ITPR2: variants seen among roughly 807,000 people sequenced by gnomAD.
ITPR2 encodes inositol 1,4,5-trisphosphate receptor type 2, also known as inositol 1,4,5-trisphosphate-gated calcium channel ITPR2.
ITPR2 carries 207 observed loss-of-function variants against 317.1 expected under a neutral mutation model. That is an observed-to-expected ratio of 0.65 (90% CI 0.58 to 0.73). ITPR2 has a LOEUF of 0.73. ITPR2 is among the 30% of genes least tolerant of loss of function. The probability of loss-of-function intolerance (pLI) is 0.00; values close to 1 mark genes in which losing one functional copy is unlikely to be tolerated. For missense variants in ITPR2, 2,613 were observed against 3,284.0 expected, an observed-to-expected ratio of 0.80 and a Z score of 4.99; for synonymous variants, 1,156 against 1,149.1, an observed-to-expected ratio of 1.01 and a Z score of -0.12.
At chr12:26,656,985 G>T (rs1196811243) in intron 18 of ITPR2, among the ~76,000 whole-genome samples, 1 of 152,120 alleles carries the variant, frequency 6.6e-6, no homozygotes, top group Non-Finnish European at 1.5e-5. Context: ...AGTCCAAATG[G>T]CATGAGTCAC....
At chr12:26,398,194 G>A (rs1361544244) in intron 54 of ITPR2, among the ~76,000 whole-genome samples, 8 of 152,090 alleles carry the variant, frequency 5.3e-5, no homozygotes, top group African/African-American at 9.6e-5. Flanking sequence ...AGGCCAAGGC[G>A]GGTGGATCAC....
At position 26,355,798 on chromosome 12, in the gene ITPR2, C is replaced by T. The variant is rs116253354; in HGVS notation, c.7858-15470G>A. Among the ~76,000 whole-genome samples, 1,400 of 152,298 alleles carry T rather than the reference C, an allele frequency of 9.2e-3. 20 individuals are homozygous for T. The highest frequency in any genetic ancestry group is 0.031 in the African/African-American group (1,300 of 41,550). ...GAGCTTTCCAAAAATCCACTGCCAA[C>T]AGGCTGGGGCACACTCAGGTTAAAG... On this transcript the variant is annotated intron_variant, in intron 55 of 56. Transcript: ENST00000381340.
intron 55 of ITPR2, among the ~76,000 whole-genome samples, chr12:26,364,743 A>G (rs1938952044): frequency 6.6e-6 from 1 of 152,146 alleles, no homozygotes; most frequent in Non-Finnish European, 1.5e-5. Context: ...AAATCAATTT[A>G]TCTTGTTAAA....
intron 28 of ITPR2, 106 bp downstream of exon 28, chr12:26,602,263 AT>A: frequency 1.6e-6 from 2 of 1,251,626 alleles, no homozygotes; most frequent in Non-Finnish European, 2.2e-6. Flanking sequence ...CTGGTGGGTG[AT>A]TTATTCTAAA....
intron 35 of ITPR2, among the ~76,000 whole-genome samples, chr12:26,558,935 TAGTAA>T (rs1340158428): frequency 6.6e-6 from 1 of 152,222 alleles, no homozygotes; most frequent in East Asian, 1.9e-4. Flanking sequence ...CTTCCTATCT[TAGTAA>T]ATAACACAAT....
intron 35 of ITPR2, among the ~76,000 whole-genome samples, chr12:26,560,434 GC>G (rs1443691948): frequency 6.6e-6 from 1 of 151,636 alleles, no homozygotes; most frequent in African/African-American, 2.4e-5. Context: ...ATTTTCCATT[GC>G]CCTCCTATTG....
chr12:26,815,302 A>C (rs1950832362), intron 1 of ITPR2, among the ~76,000 whole-genome samples: 1 of 152,178 alleles, frequency 6.6e-6, no homozygotes, highest in African/African-American at 2.4e-5. Flanking sequence ...ACTGCACTCT[A>C]GCCTGGGTGA....
At position 26,415,479 on chromosome 12, in the gene ITPR2, C is replaced by T. The variant is rs1331176632; in HGVS notation, c.7130G>A (p.Arg2377Lys). 6.4e-7 allele frequency: 1 copy of T among 1,570,062 alleles called. No homozygotes were observed. ...YSFLLFDLVY[R>K]EETLLNVIKS... is the part of the protein sequence containing the mutation. ...TATGACATTCAGCAAAGTCTCTTCC[C>T]TGTACACCAAATCAAAAAGCTACAA... is the stretch of plus-strand genomic sequence containing the variant. Residue 2377 changes from arginine to lysine, a missense_variant, in exon 51 of 57, where the codon AGG (arginine) becomes AAG (lysine). Physicochemically the swap from Arg to Lys is conservative, Grantham distance 26. Around this residue, in one of 9 missense-constraint regions of ITPR2, gnomAD observed 14 missense variants for 48.2 expected, o/e 0.29. Coordinates refer to ENST00000381340, the MANE Select transcript of ITPR2 (RefSeq NM_002223.4).
At chr12:26,645,173 G>T (rs531290098) in intron 21 of ITPR2, among the ~76,000 whole-genome samples, 1 of 152,306 alleles carries the variant, frequency 6.6e-6, no homozygotes, top group East Asian at 1.9e-4. Context: ...CCCAGAGTCT[G>T]CTTCCTGAGG....
intron 37 of ITPR2, among the ~76,000 whole-genome samples, chr12:26,537,896 G>A (rs904381821): frequency 1.3e-5 from 2 of 152,210 alleles, no homozygotes; most frequent in African/African-American, 4.8e-5. Context: ...AAATGTTTAA[G>A]ATGTTCAAGC....
At chr12:26,796,907 C>T (rs757883087) in intron 1 of ITPR2, among the ~76,000 whole-genome samples, 5 of 151,868 alleles carry the variant, frequency 3.3e-5, no homozygotes, top group African/African-American at 7.3e-5. Flanking sequence ...CATGGTGGTA[C>T]GCACCTGTAA....
intron 26 of ITPR2, among the ~76,000 whole-genome samples, chr12:26,604,541 C>G (rs571493881): frequency 6.6e-6 from 1 of 152,184 alleles, no homozygotes; most frequent in African/African-American, 2.4e-5. Flanking sequence ...TTTAATGACT[C>G]TTTCTCATCT....
intron 37 of ITPR2, among the ~76,000 whole-genome samples, chr12:26,527,588 C>T (rs1943841046): frequency 1.3e-5 from 2 of 152,166 alleles, no homozygotes; most frequent in Admixed American, 1.3e-4. Flanking sequence ...CTCAAACTCA[C>T]AGAGAAAAGA....
At chr12:26,441,918 T>C (rs1455037806) in intron 46 of ITPR2, among the ~76,000 whole-genome samples, 3 of 152,082 alleles carry the variant, frequency 2.0e-5, no homozygotes, top group African/African-American at 7.2e-5. Context: ...TATGTGTGTA[T>C]TTATAATATA....
chr12:26,597,530 T>C lies in ITPR2; in HGVS notation c.4003-396A>G, dbSNP rs143438138. ...AAGCAGAGTAAAATATCCTCATCCA[T>C]TGCAATAATGACTACATAAGGAAGC... On this transcript the variant is annotated intron_variant, in intron 30 of 56. Coordinates refer to ENST00000381340, the MANE Select transcript of ITPR2 (RefSeq NM_002223.4). 3.3e-5 allele frequency among the ~76,000 whole-genome samples: 5 copies of C among 152,326 alleles called. No homozygotes were observed. The East Asian group carries it at 7.7e-4, about 23-fold the overall frequency.
chr12:26,360,665 T>C (rs993392734), intron 55 of ITPR2, among the ~76,000 whole-genome samples: 12 of 152,222 alleles, frequency 7.9e-5, no homozygotes, highest in Non-Finnish European at 1.6e-4. Context: ...TGGATGGTCT[T>C]GCCAACGTTA....
At chr12:26,777,186 G>T (rs12579793) in intron 2 of ITPR2, among the ~76,000 whole-genome samples, 55,712 of 152,026 alleles carry the variant, frequency 0.37, 12,695 homozygotes, top group Non-Finnish European at 0.53. Context: ...GTGAGCAAGC[G>T]GGAAATGCCT....
intron 21 of ITPR2, among the ~76,000 whole-genome samples, chr12:26,647,488 A>G (rs1947138727): frequency 6.6e-6 from 1 of 152,264 alleles, no homozygotes. Flanking sequence ...TAGCAAGTAT[A>G]AAACAGATGT....
At chr12:26,416,581 T>C (rs1190548064) in intron 50 of ITPR2, among the ~76,000 whole-genome samples, 1 of 152,192 alleles carries the variant, frequency 6.6e-6, no homozygotes, top group African/African-American at 2.4e-5. Context: ...ATTGTAGTCT[T>C]GCAAATAATT....
Sources: allele counts gnomAD v4.1 joint callset (sites outside exome capture counted in the v4.1 genomes callset), GRCh38; gene constraint gnomAD v4.1.1; regional missense constraint gnomAD v4.1.1; transcripts MANE v1.5; gene names NCBI Gene and HGNC (gene_info 2026-07-23, HGNC 2026-07-21).